CTPS2: variants seen among roughly 807,000 people sequenced by gnomAD.
CTPS2 encodes CTP synthase II.
A neutral mutation model predicts 46.8 loss-of-function variants in CTPS2; 19 were observed. The ratio of observed to expected loss-of-function variants is 0.41; its 90% CI spans 0.28 to 0.60. The LOEUF (loss-of-function observed/expected upper bound fraction) is 0.60, where lower values mean the gene tolerates loss of function less well. Ranked by LOEUF, CTPS2 falls within the 20% of genes least tolerant of loss-of-function variation. The probability of loss-of-function intolerance (pLI) is 0.35; values close to 1 mark genes in which losing one functional copy is unlikely to be tolerated. For synonymous variants in CTPS2, 151 were observed against 165.2 expected (o/e 0.91, Z 0.66); for missense variants, 286 against 447.6 (o/e 0.64, Z 3.26).
intron 17 of CTPS2, among the ~76,000 whole-genome samples, chrX:16,603,590 TATAG>T (rs1929803311): frequency 9.7e-6 from 1 of 103,000 alleles, no homozygotes; most frequent in South Asian, 4.0e-4. Context: ...TATATATCTA[TATAG>T]ATAGATAGAT....
chrX:16,701,759 C>T (rs1327286082), intron 2 of CTPS2, among the ~76,000 whole-genome samples: 1 of 109,839 alleles, frequency 9.1e-6, no homozygotes, highest in Non-Finnish European at 1.9e-5. Flanking sequence ...CGCCACCGCG[C>T]CCGGCTAATT....
chrX:16,600,357 C>A (rs954178423), intron 17 of CTPS2, among the ~76,000 whole-genome samples: 1 of 111,787 alleles, frequency 8.9e-6, no homozygotes, highest in Non-Finnish European at 1.9e-5. Context: ...TATTAAAATC[C>A]GTTTCCTGTG....
At chrX:16,653,455 A>T (rs1259247654) in intron 13 of CTPS2, among the ~76,000 whole-genome samples, 2 of 112,053 alleles carry the variant, frequency 1.8e-5, no homozygotes, top group African/African-American at 6.5e-5. Flanking sequence ...TAAAACTTTT[A>T]AAAAATTAGC....
At chrX:16,652,439 T>C (rs1167753761) in intron 13 of CTPS2, among the ~76,000 whole-genome samples, 1 of 112,296 alleles carries the variant, frequency 8.9e-6, no homozygotes, top group Non-Finnish European at 1.9e-5. Context: ...CCCCAGAATC[T>C]GATATTTTCT....
intron 13 of CTPS2, among the ~76,000 whole-genome samples, chrX:16,646,806 T>C (rs1335916068): frequency 1.8e-5 from 2 of 111,788 alleles, no homozygotes; most frequent in South Asian, 3.8e-4. Context: ...CAGAAGCCTG[T>C]GGTGCCCAGA....
Position 16,690,501 on chromosome X carries a change from A to G in CTPS2, c.721-900T>C, listed in dbSNP as rs148950024. On this transcript the variant is annotated intron_variant, in intron 7 of 18. Coordinates refer to ENST00000359276, the MANE Select transcript of CTPS2 (RefSeq NM_175859.3). Reference sequence around the variant, plus strand: ...CAGACTTCGGCAATGACTCTGAGGCATCAGGCAGGGGGCTCTCCATCAGAC... The same window carrying G: ...CAGACTTCGGCAATGACTCTGAGGCGTCAGGCAGGGGGCTCTCCATCAGAC... 5.8e-4 allele frequency among the ~76,000 whole-genome samples: 65 copies of G among 112,008 alleles called. No homozygotes were observed. In the East Asian group the frequency reaches 0.017, roughly 29 times the overall value.
chrX:16,684,795 G>A (rs942883900), intron 8 of CTPS2, among the ~76,000 whole-genome samples: 1 of 111,548 alleles, frequency 9.0e-6, no homozygotes, highest in African/African-American at 3.3e-5. Flanking sequence ...TCTCCATAAA[G>A]TATGCAGGTA....
intron 13 of CTPS2, among the ~76,000 whole-genome samples, chrX:16,640,940 G>C (rs1932048990): frequency 8.9e-6 from 1 of 112,037 alleles, no homozygotes; most frequent in Admixed American, 9.5e-5. Context: ...TGCTCCAAGA[G>C]TTACTTCAGG....
At chrX:16,616,840 G>A (rs1930552836) in intron 16 of CTPS2, among the ~76,000 whole-genome samples, 1 of 110,914 alleles carries the variant, frequency 9.0e-6, no homozygotes. Flanking sequence ...GACTACAGGT[G>A]CACGCCACCA....
intron 3 of CTPS2, among the ~76,000 whole-genome samples, 182 bp downstream of exon 3, chrX:16,698,741 G>T: frequency 9.0e-6 from 1 of 110,816 alleles, no homozygotes; most frequent in Non-Finnish European, 1.9e-5. Flanking sequence ...AGTAGAGATG[G>T]GGTTTCACCA....
intron 13 of CTPS2, among the ~76,000 whole-genome samples, chrX:16,649,814 A>C (rs1210693784): frequency 1.8e-5 from 2 of 112,519 alleles, no homozygotes; most frequent in Non-Finnish European, 1.9e-5. Context: ...CTGGATATGA[A>C]GAAAGTTATT....
In CTPS2 at chrX:16,617,294, C is replaced by A. The variant is rs760398120; in HGVS notation, c.1450-48G>T. The A allele has an allele frequency of 5.3e-5, 50 of 936,066 alleles. No homozygotes were observed. The South Asian group carries it at 1.1e-3, about 20-fold the overall frequency. The allele number at this position is 936,066 out of a possible 1,213,427, so 77.1% of individuals were successfully genotyped here. The stretch of plus-strand genomic sequence containing the variant: ...TTTATGGGCCACAGTGCAATACCAG[C>A]TGCCATACCAGGTCCTTCATCAGTT... On this transcript the variant is annotated intron_variant, in intron 15 of 18. Transcript: ENST00000359276.
At chrX:16,593,428 CAAA>C (rs5901587) in intron 17 of CTPS2, among the ~76,000 whole-genome samples, 1 of 29,886 alleles carries the variant, frequency 3.3e-5, no homozygotes, top group South Asian at 2.1e-3. Flanking sequence ...GACTCTGTCT[CAAA>C]AAAAAAAAAA....
At chrX:16,656,355 G>A (rs867800806) in intron 13 of CTPS2, among the ~76,000 whole-genome samples, 2 of 111,039 alleles carry the variant, frequency 1.8e-5, no homozygotes, top group South Asian at 3.7e-4. Context: ...AGCCCAGACT[G>A]CCACACTATA....
At chrX:16,599,283 C>T (rs1929492331) in intron 17 of CTPS2, among the ~76,000 whole-genome samples, 1 of 111,045 alleles carries the variant, frequency 9.0e-6, no homozygotes, top group African/African-American at 3.3e-5. Flanking sequence ...ATGAAAATCA[C>T]AGCAAATATC....
At position 16,593,731 on chromosome X, in the gene CTPS2, A is replaced by T. The variant is rs1286563113; in HGVS notation, c.1692-2869T>A. 2.7e-5 allele frequency among the ~76,000 whole-genome samples: 3 copies of T among 110,471 alleles called. No homozygotes were observed. The East Asian group carries it at 8.5e-4, about 31-fold the overall frequency. ...CTAGAATAAGGAGAGGAGATAGAAG[A>T]TTCAGAACTGGCAGAAAAGACAACA... On this transcript the variant is annotated intron_variant, in intron 17 of 18. Transcript: ENST00000359276.
At chrX:16,702,112 T>C (rs920814974) in intron 2 of CTPS2, among the ~76,000 whole-genome samples, 1 of 111,298 alleles carries the variant, frequency 9.0e-6, no homozygotes, top group African/African-American at 3.3e-5. Flanking sequence ...TGGAGTGCAA[T>C]GGCTCGATCT....
At chrX:16,591,473 A>G (rs1238355825) in intron 17 of CTPS2, among the ~76,000 whole-genome samples, 1 of 111,158 alleles carries the variant, frequency 9.0e-6, no homozygotes, top group Non-Finnish European at 1.9e-5. Flanking sequence ...TTCTGATGAC[A>G]ACTGTTTCCT....
At chrX:16,641,209 A>G (rs1346600516) in intron 13 of CTPS2, among the ~76,000 whole-genome samples, 1 of 112,033 alleles carries the variant, frequency 8.9e-6, no homozygotes, top group African/African-American at 3.2e-5. Flanking sequence ...TCCTACGTGT[A>G]TTCAGAGCCT....
Sources: gnomAD v4.1 joint callset for allele counts (sites outside exome capture counted in the v4.1 genomes callset) on GRCh38, gnomAD v4.1.1 for gene constraint, MANE v1.5 for transcripts, NCBI Gene and HGNC (gene_info 2026-07-23, HGNC 2026-07-21) for gene names.